The following MCPH1 variants were observed in gnomAD, a reference collection of about 807,000 sequenced individuals.
MCPH1 encodes microcephalin 1, also known as microcephalin.
MCPH1 carries 104 observed loss-of-function variants against 84.5 expected under a neutral mutation model. The ratio of observed to expected loss-of-function variants is 1.23; its 90% CI spans 1.05 to 1.45. The LOEUF (loss-of-function observed/expected upper bound fraction) is 1.45. Ranked by LOEUF, MCPH1 falls within the 40% of genes most tolerant of loss-of-function variation. The pLI, the probability that MCPH1 is intolerant of heterozygous loss-of-function variation, is 0.00. For synonymous variants in MCPH1, 514 were observed against 366.8 expected (o/e 1.40, Z -4.58); for missense variants, 1,498 against 1,005.7 (o/e 1.49, Z -6.62).
chr8:6,567,825 C>T (rs1162111832), intron 12 of MCPH1, among the ~76,000 whole-genome samples: 1 of 152,184 alleles, frequency 6.6e-6, no homozygotes, highest in African/African-American at 2.4e-5. Context: ...TTCCTCCCTG[C>T]TGTACTGACG....
chr8:6,488,405 A>G (rs148747453), intron 11 of MCPH1, among the ~76,000 whole-genome samples: 1 of 152,360 alleles, frequency 6.6e-6, no homozygotes, highest in Non-Finnish European at 1.5e-5. Flanking sequence ...TGTGAGTGCT[A>G]AGAATGACTG....
At chr8:6,419,025 T>C (rs1362914965) in intron 3 of MCPH1, among the ~76,000 whole-genome samples, 1 of 152,136 alleles carries the variant, frequency 6.6e-6, no homozygotes, top group South Asian at 2.1e-4. Flanking sequence ...TGCTTCGTTG[T>C]TTTGCTTTTC....
intron 11 of MCPH1, among the ~76,000 whole-genome samples, chr8:6,496,593 G>C (rs774295893): frequency 6.7e-6 from 1 of 148,782 alleles, no homozygotes; most frequent in South Asian, 2.1e-4. Context: ...CACAACTGCA[G>C]TTGAATTTCA....
chr8:6,413,748 A>G (rs1798856620), intron 2 of MCPH1, among the ~76,000 whole-genome samples: 1 of 149,492 alleles, frequency 6.7e-6, no homozygotes, highest in African/African-American at 2.5e-5. Flanking sequence ...GCGTGAATAC[A>G]GTATCTTTTT....
chr8:6,445,969 A>G (rs1389421536), intron 8 of MCPH1: 2 of 981,468 alleles, frequency 2.0e-6, no homozygotes, highest in African/African-American at 3.5e-5. Context: ...ATTAAGGTAG[A>G]TTAAGCCATC....
At chr8:6,619,926 C>G (rs554736624) in intron 12 of MCPH1, among the ~76,000 whole-genome samples, 1 of 152,310 alleles carries the variant, frequency 6.6e-6, no homozygotes, top group East Asian at 1.9e-4. Context: ...GTGTGTCCTA[C>G]TTTAAAATGA....
intron 7 of MCPH1, among the ~76,000 whole-genome samples, chr8:6,443,424 G>A (rs1803804893): frequency 6.7e-6 from 1 of 148,234 alleles, no homozygotes; most frequent in Non-Finnish European, 1.5e-5. Flanking sequence ...GGAAGCTTTG[G>A]TGGTTACCTG....
intron 12 of MCPH1, among the ~76,000 whole-genome samples, chr8:6,503,449 A>T (rs1384840297): frequency 2.6e-5 from 4 of 152,206 alleles, no homozygotes; most frequent in Non-Finnish European, 4.4e-5. Context: ...ATGACATCAC[A>T]GTTCCATTAC....
chr8:6,579,964 C>A (rs1291683363), intron 12 of MCPH1, among the ~76,000 whole-genome samples: 1 of 152,182 alleles, frequency 6.6e-6, no homozygotes, highest in Non-Finnish European at 1.5e-5. Flanking sequence ...AGGCCGTGCC[C>A]CTGCCAGAAA....
chr8:6,508,680 C>T, intron 12 of MCPH1: 1 of 597,894 alleles, frequency 1.7e-6, no homozygotes, highest in South Asian at 2.1e-5. Context: ...CAAATATCCC[C>T]TCTCCTTGCC....
At chr8:6,558,184 G>A (rs1000633993) in intron 12 of MCPH1, among the ~76,000 whole-genome samples, 2 of 152,120 alleles carry the variant, frequency 1.3e-5, no homozygotes, top group Non-Finnish European at 1.5e-5. Flanking sequence ...AAGAAGGAAC[G>A]CTGTACATTT....
chr8:6,486,352 A>C lies in MCPH1; in HGVS notation c.2136+5476A>C, dbSNP rs1041001356. ...CTCCTTCTAACCCTGTCTCCAATGT[A>C]GTTGGGGGATTCTTAAAATATTCTC... is the stretch of plus-strand genomic sequence containing the variant. On this transcript the variant is annotated intron_variant, in intron 11 of 13. Transcript: ENST00000344683. Among the ~76,000 whole-genome samples, 7 of 151,248 alleles carry C rather than the reference A, an allele frequency of 4.6e-5. No homozygotes were observed. In the East Asian group the frequency reaches 9.8e-4, roughly 21 times the overall value.
At chr8:6,636,697 G>A (rs1020844799) in intron 13 of MCPH1, among the ~76,000 whole-genome samples, 2 of 152,092 alleles carry the variant, frequency 1.3e-5, no homozygotes, top group African/African-American at 4.8e-5. Context: ...ATTACCTCTA[G>A]GCTATGTGTA....
At chr8:6,558,594 C>G (rs1226017117) in intron 12 of MCPH1, among the ~76,000 whole-genome samples, 2 of 152,050 alleles carry the variant, frequency 1.3e-5, no homozygotes. Context: ...TGTAAAGAGC[C>G]ACATTGATTA....
At chr8:6,495,268 A>G (rs187366772) in intron 11 of MCPH1, among the ~76,000 whole-genome samples, 8 of 152,322 alleles carry the variant, frequency 5.3e-5, no homozygotes, top group East Asian at 1.9e-4. Flanking sequence ...TTCATTAACT[A>G]CATGGGTGCT....
chr8:6,524,693 G>T (rs1016452406), intron 12 of MCPH1, among the ~76,000 whole-genome samples: 1 of 152,170 alleles, frequency 6.6e-6, no homozygotes, highest in African/African-American at 2.4e-5. Context: ...TAGATGTTTT[G>T]ATGGTCTTCA....
rs371941778 is a variant in MCPH1, at chr8:6,436,066, A to G, written c.340A>G (p.Lys114Glu). 1.3e-5 allele frequency: 21 copies of G among 1,613,756 alleles called. No homozygotes were observed. The highest frequency in any genetic ancestry group is 1.6e-4 in the Middle Eastern group (1 of 6,080). ...IKKKRKCMQP[K>E]DFNFKTPEND... ...TGCACAGCGTAAATGTATGCAGCCC[A>G]AAGATTTTAATTTTAAAACACCAGA... is the stretch of plus-strand genomic sequence containing the variant. The change falls in exon 5 of 14, where the codon AAA (lysine) becomes GAA (glutamate). Residue 114 changes from lysine (K) to glutamate (E), a missense_variant. Physicochemically the swap from Lys to Glu is moderately conservative, Grantham distance 56. Coordinates refer to ENST00000344683, the MANE Select transcript of MCPH1 (RefSeq NM_024596.5).
intron 12 of MCPH1, among the ~76,000 whole-genome samples, chr8:6,509,947 C>T (rs1279105643): frequency 2.0e-5 from 3 of 152,178 alleles, no homozygotes; most frequent in Non-Finnish European, 2.9e-5. Flanking sequence ...CATCGTGCCA[C>T]ATATCACTAG....
intron 9 of MCPH1, among the ~76,000 whole-genome samples, chr8:6,471,967 T>C (rs560450617): frequency 1.3e-5 from 2 of 152,304 alleles, no homozygotes; most frequent in South Asian, 4.1e-4. Flanking sequence ...ACTAAATTTA[T>C]TGAGAGTTCA....
Sources: allele counts gnomAD v4.1 joint callset (sites outside exome capture counted in the v4.1 genomes callset), GRCh38; gene constraint gnomAD v4.1.1; transcripts MANE v1.5; gene names NCBI Gene and HGNC (gene_info 2026-07-23, HGNC 2026-07-21).